Variants in ST8SIA6 observed in about 807,000 individuals in gnomAD.
ST8SIA6 encodes the protein ST8 alpha-N-acetyl-neuraminide alpha-2,8-sialyltransferase 6, also known as alpha-2,8-sialyltransferase 8F.
ST8SIA6 carries 39 observed loss-of-function variants against 33.6 expected under a neutral mutation model. The ratio of observed to expected loss-of-function variants is 1.16; its 90% CI spans 0.90 to 1.52. The LOEUF is 1.52. Among genes scored for constraint, ST8SIA6 ranks in the 40% most tolerant of loss-of-function variants. ST8SIA6 has a pLI of 0.00. For synonymous variants in ST8SIA6, 172 were observed against 167.2 expected, an observed-to-expected ratio of 1.03 and a Z score of -0.22; for missense variants, 441 against 443.8, an observed-to-expected ratio of 0.99 and a Z score of 0.06.
At position 17,400,822 on chromosome 10, in the gene ST8SIA6, C is replaced by A. The variant is rs561496193; in HGVS notation, c.201-10202G>T. 3.9e-5 allele frequency among the ~76,000 whole-genome samples: 6 copies of A among 152,298 alleles called. No homozygotes were observed. In the East Asian group the frequency reaches 1.2e-3, roughly 29 times the overall value. On this transcript the variant is annotated intron_variant, in intron 2 of 7. Coordinates refer to ENST00000377602, the MANE Select transcript of ST8SIA6 (RefSeq NM_001004470.3). ...TCTATGACAAACCCACAGCCAATAT[C>A]ATACTGAATGGGCAAAAACTGGAAG...
chr10:17,368,541 T>C (rs550488424), intron 3 of ST8SIA6, among the ~76,000 whole-genome samples: 4 of 147,800 alleles, frequency 2.7e-5, no homozygotes, highest in South Asian at 2.2e-4. Context: ...TACTAAGTAA[T>C]ACAAAAACAA....
rs1221957750 is a variant in ST8SIA6 at position 17,317,348 on chromosome 10, C to T, written c.*3530G>A. ...TTGCCTTTCCACTCTCAGGAGGGTA[C>T]TGGTGACACTGTTCCTCGCTATGGG... On this transcript the variant is annotated 3_prime_UTR_variant, in exon 8 of 8. Coordinates refer to ENST00000377602, the MANE Select transcript of ST8SIA6 (RefSeq NM_001004470.3). Among the ~76,000 whole-genome samples the T allele has an allele frequency of 6.6e-6, 1 of 152,100 alleles. No individual in the cohort carries two copies. Among genetic ancestry groups the T allele is most frequent in the Non-Finnish European group, 1.5e-5 (1 of 68,022 alleles).
chr10:17,384,273 C>T (rs183267368), intron 3 of ST8SIA6, among the ~76,000 whole-genome samples: 6 of 152,078 alleles, frequency 3.9e-5, no homozygotes, highest in East Asian at 3.9e-4. Context: ...AGGAAATTCA[C>T]GAAACTCGTA....
At chr10:17,419,978 A>C (rs1384214917) in intron 2 of ST8SIA6, among the ~76,000 whole-genome samples, 1 of 152,230 alleles carries the variant, frequency 6.6e-6, no homozygotes, top group Non-Finnish European at 1.5e-5. Flanking sequence ...TCCTTTAAAA[A>C]ATATTACAAC....
chr10:17,339,976 T>C (rs1315754956), intron 4 of ST8SIA6, among the ~76,000 whole-genome samples: 1 of 152,052 alleles, frequency 6.6e-6, no homozygotes, highest in African/African-American at 2.4e-5. Context: ...GGAAAGAAAA[T>C]AAAAAGGTTT....
chr10:17,393,235 G>C (rs1250919827), intron 2 of ST8SIA6, among the ~76,000 whole-genome samples: 2 of 152,204 alleles, frequency 1.3e-5, no homozygotes, highest in Non-Finnish European at 2.9e-5. Flanking sequence ...CTTAGACTGA[G>C]CTACGCCACT....
At chr10:17,404,869 T>C (rs1347385293) in intron 2 of ST8SIA6, among the ~76,000 whole-genome samples, 2 of 152,232 alleles carry the variant, frequency 1.3e-5, no homozygotes, top group Admixed American at 6.5e-5. Context: ...ATGAATACTT[T>C]CTTCTTTAAC....
At chr10:17,425,915 G>A (rs553419191) in intron 2 of ST8SIA6, among the ~76,000 whole-genome samples, 1 of 152,302 alleles carries the variant, frequency 6.6e-6, no homozygotes, top group Non-Finnish European at 1.5e-5. Context: ...GGCCTCAAAT[G>A]CCCTAACTGC....
intron 2 of ST8SIA6, among the ~76,000 whole-genome samples, chr10:17,415,454 ATG>A (rs1851572310): frequency 1.3e-5 from 2 of 152,268 alleles, no homozygotes; most frequent in South Asian, 4.1e-4. Flanking sequence ...AGGAGTCCAG[ATG>A]GGCTTTGTCT....
chr10:17,321,496 C>T, intron 7 of ST8SIA6, 150 bp from the exon 8 acceptor site: 1 of 616,110 alleles, frequency 1.6e-6, no homozygotes, highest in Non-Finnish European at 2.7e-6. Context: ...TCAGAGAAAA[C>T]TCATTCAAGT....
chr10:17,438,545 G>C (rs1852363649), intron 2 of ST8SIA6, among the ~76,000 whole-genome samples: 1 of 151,860 alleles, frequency 6.6e-6, no homozygotes, highest in South Asian at 2.1e-4. Flanking sequence ...GTATCTGAAG[G>C]CTCCAAAACA....
intron 4 of ST8SIA6, among the ~76,000 whole-genome samples, chr10:17,333,674 T>TAGATAG (rs1430829549): frequency 4.1e-5 from 1 of 24,258 alleles, no homozygotes; most frequent in African/African-American, 1.2e-4. Context: ...GGTGCTGGGA[T>TAGATAG]ATATATATAT....
intron 2 of ST8SIA6, among the ~76,000 whole-genome samples, chr10:17,399,517 T>G (rs1037130564): frequency 1.3e-5 from 2 of 152,224 alleles, no homozygotes; most frequent in African/African-American, 4.8e-5. Context: ...GGCTTTTATT[T>G]GCCTTCAGTT....
intron 6 of ST8SIA6, among the ~76,000 whole-genome samples, chr10:17,326,683 C>G (rs1848139845): frequency 6.6e-6 from 1 of 152,170 alleles, no homozygotes; most frequent in Non-Finnish European, 1.5e-5. Flanking sequence ...TCAGGTGAGC[C>G]TGAGACATGC....
At chr10:17,434,674 C>G (rs2131725878) in intron 2 of ST8SIA6, among the ~76,000 whole-genome samples, 1 of 152,218 alleles carries the variant, frequency 6.6e-6, no homozygotes, top group South Asian at 2.1e-4. Context: ...TGCAATCCCA[C>G]AAATACAGCC....
At chr10:17,334,877 T>C (rs563853428) in intron 4 of ST8SIA6, among the ~76,000 whole-genome samples, 6 of 152,316 alleles carry the variant, frequency 3.9e-5, no homozygotes, top group Admixed American at 2.6e-4. Context: ...TTAGAATTCA[T>C]ATTTCATTTC....
In ST8SIA6 at chr10:17,321,172, G is replaced by A. The variant is rs780256511; in HGVS notation, c.903C>T (p.Pro301=). ...AAAGGGCCAGATCTTTCAGGTACTT[G>A]GGATGGAAAAATAGAACCTTTTGTC... ...KARQKVLFFH[P]KYLKDLALFW... The change falls in exon 8 of 8, where the codon CCC becomes CCT. Residue 301 remains proline (P), a synonymous_variant. Coordinates refer to ENST00000377602, the MANE Select transcript of ST8SIA6 (RefSeq NM_001004470.3). 4.3e-6 allele frequency: 7 copies of A among 1,614,086 alleles called. No homozygotes were observed. In the Admixed American group the frequency reaches 1.2e-4, roughly 27 times the overall value.
At chr10:17,411,352 T>A (rs1851443123) in intron 2 of ST8SIA6, among the ~76,000 whole-genome samples, 1 of 152,028 alleles carries the variant, frequency 6.6e-6, no homozygotes, top group African/African-American at 2.4e-5. Flanking sequence ...CCCGGCTAAT[T>A]TTGTATTTTT....
intron 2 of ST8SIA6, among the ~76,000 whole-genome samples, chr10:17,426,018 C>G (rs1851927297): frequency 6.6e-6 from 1 of 152,094 alleles, no homozygotes; most frequent in African/African-American, 2.4e-5. Flanking sequence ...CTGCTTATCT[C>G]TGAGTAGTGG....
Sources: gnomAD v4.1 joint callset for allele counts (sites outside exome capture counted in the v4.1 genomes callset) on GRCh38, gnomAD v4.1.1 for gene constraint, MANE v1.5 for transcripts, NCBI Gene and HGNC (gene_info 2026-07-23, HGNC 2026-07-21) for gene names.